Variants in GHRHR observed in about 807,000 individuals in gnomAD.
GHRHR encodes growth hormone releasing hormone receptor, also known as growth hormone-releasing hormone receptor.
A neutral mutation model predicts 58.3 loss-of-function variants in GHRHR; 40 were observed. The observed-to-expected ratio is 0.69, with a 90% CI of 0.53 to 0.89. GHRHR has a LOEUF of 0.89. GHRHR is among the 40% of genes least tolerant of loss of function. The pLI, the probability that GHRHR is intolerant of heterozygous loss-of-function variation, is 0.00. For synonymous variants in GHRHR, 249 were observed against 216.6 expected (o/e 1.15, Z -1.31); for missense variants, 551 against 541.3 (o/e 1.02, Z -0.18).
At chr7:30,976,598 T>A in intron 11 of GHRHR, 40 bp downstream of exon 11, 1 of 1,599,048 alleles carries the variant, frequency 6.3e-7, no homozygotes, top group Non-Finnish European at 8.6e-7. Context: ...CCATTGAGGG[T>A]GCTGGAGGGA....
Position 30,969,088 on chromosome 7 carries a change from G to T in GHRHR, c.186G>T (p.Leu62=). The change falls in exon 3 of 13, where the codon CTG becomes CTT. Residue 62 remains leucine (L), a synonymous_variant. Coordinates refer to ENST00000326139, the MANE Select transcript of GHRHR (RefSeq NM_000823.4). ...TLGCPATWDG[L]LCWPTAGSGE... ...GCTGCCCTGCGACCTGGGATGGGCT[G>T]CTGTGCTGGCCAACGGCAGGCTCTG... The T allele has an allele frequency of 6.3e-7, 1 of 1,581,344 alleles. No individual in the cohort carries two copies. Among genetic ancestry groups the T allele is most frequent in the South Asian group, 1.2e-5 (1 of 86,490 alleles).
At chr7:30,975,540 GC>G (rs1366375300) in intron 9 of GHRHR, among the ~76,000 whole-genome samples, 4 of 152,042 alleles carry the variant, frequency 2.6e-5, no homozygotes, top group African/African-American at 9.7e-5. Flanking sequence ...AGGCCTGATC[GC>G]CCCCCTTGAT....
rs867201737 is a variant in GHRHR at position 30,974,367 on chromosome 7, C to A, written c.752-62C>A. 2.3e-6 allele frequency: 3 copies of A among 1,276,938 alleles called. No individual in the cohort carries two copies. In the East Asian group the frequency reaches 6.9e-5, roughly 30 times the overall value. The allele number at this position is 1,276,938 out of a possible 1,614,324, so 79.1% of individuals were successfully genotyped here. On this transcript the variant is annotated intron_variant, in intron 7 of 12. Coordinates refer to ENST00000326139, the MANE Select transcript of GHRHR (RefSeq NM_000823.4). ...GGCTGATGGTGGTGGTGGGAGGTGGCGCCAGATCTCAGAGTCAAGGATGCA... is the reference window on the plus strand; with the variant it reads ...GGCTGATGGTGGTGGTGGGAGGTGGAGCCAGATCTCAGAGTCAAGGATGCA...
chr7:30,973,969 A>C lies in GHRHR; in HGVS notation c.598-16A>C. On this transcript the variant is annotated splice_polypyrimidine_tract_variant and intron_variant, in intron 6 of 12. Transcript: ENST00000326139. ...TGGGTGTCCCAGCTCTGAAGCACCC[A>C]GGTCCTGGCCCCCAGGTTCTATGCA... is the stretch of plus-strand genomic sequence containing the variant. 6.2e-7 allele frequency: 1 copy of C among 1,612,514 alleles called. No homozygotes were observed. Among genetic ancestry groups the C allele is most frequent in the Non-Finnish European group, 8.5e-7 (1 of 1,179,724 alleles).
At chr7:30,972,594 G>A (rs909519820) in intron 6 of GHRHR, among the ~76,000 whole-genome samples, 1 of 152,116 alleles carries the variant, frequency 6.6e-6, no homozygotes, top group African/African-American at 2.4e-5. Flanking sequence ...GCAACAATAG[G>A]GAGATGGGGA....
intron 1 of GHRHR, among the ~76,000 whole-genome samples, chr7:30,965,156 G>T (rs1395203807): frequency 1.3e-5 from 2 of 152,184 alleles, no homozygotes; most frequent in Non-Finnish European, 2.9e-5. Context: ...GCATAGGGGT[G>T]CAACACAGGA....
At chr7:30,973,221 T>G (rs879312848) in intron 6 of GHRHR, among the ~76,000 whole-genome samples, 2 of 152,198 alleles carry the variant, frequency 1.3e-5, no homozygotes, top group African/African-American at 2.4e-5. Context: ...ATCGTCTTTA[T>G]GTTGAGTAGC....
intron 1 of GHRHR, among the ~76,000 whole-genome samples, chr7:30,968,086 T>C (rs1644162116): frequency 1.3e-5 from 2 of 152,318 alleles, no homozygotes; most frequent in Admixed American, 6.5e-5. Context: ...TCTTGCCTAC[T>C]GCCCATCCTA....
chr7:30,967,328 T>A (rs896804631), intron 1 of GHRHR, among the ~76,000 whole-genome samples: 4 of 152,190 alleles, frequency 2.6e-5, no homozygotes, highest in Non-Finnish European at 5.9e-5. Context: ...TCCATCCCAA[T>A]GGATCTCTAG....
At chr7:30,978,955 T>A (rs913790536) in intron 12 of GHRHR, among the ~76,000 whole-genome samples, 164 bp from the exon 13 acceptor site, 1 of 152,196 alleles carries the variant, frequency 6.6e-6, no homozygotes, top group African/African-American at 2.4e-5. Flanking sequence ...AAAAGTAGTA[T>A]CCTCCAGAGG....
In GHRHR at chr7:30,964,108, T is replaced by G; in HGVS notation, c.40T>G (p.Leu14Val). 1 of 1,549,706 alleles carries G rather than the reference T, an allele frequency of 6.5e-7. No individual in the cohort carries two copies. Among genetic ancestry groups the G allele is most frequent in the Non-Finnish European group, 8.7e-7 (1 of 1,146,946 alleles). Reference sequence around the variant, plus strand: ...GTGGGGGGCCCACGTCTTCTGCGTGTTGAGCCCGTTACCGACCGTGAGTAG... The same window carrying G: ...GTGGGGGGCCCACGTCTTCTGCGTGGTGAGCCCGTTACCGACCGTGAGTAG... The part of the protein sequence containing the change: ...RMWGAHVFCV[L>V]SPLPTVLGHM... The change falls in exon 1 of 13, where the codon TTG becomes GTG. Residue 14 changes from leucine to valine, a missense_variant. Transcript: ENST00000326139.
chr7:30,977,418 C>A, intron 12 of GHRHR, 96 bp downstream of exon 12: 1 of 987,814 alleles, frequency 1.0e-6, no homozygotes, highest in Non-Finnish European at 1.6e-6. Context: ...TAAACCCCAG[C>A]TCAGGCCACA....
chr7:30,971,604 C>T (rs1231529079), intron 5 of GHRHR, among the ~76,000 whole-genome samples: 5 of 152,068 alleles, frequency 3.3e-5, no homozygotes, highest in Non-Finnish European at 7.4e-5. Context: ...CCTTCGAAGT[C>T]TGAGCACTGC....
chr7:30,975,741 C>A (rs749976073), intron 9 of GHRHR, 36 bp from the exon 10 acceptor site: 1 of 1,268,684 alleles, frequency 7.9e-7, no homozygotes, highest in South Asian at 1.2e-5. Flanking sequence ...TACCCCCTGA[C>A]CCTTGTCTTC....
At chr7:30,976,322 G>C in intron 10 of GHRHR, 107 bp from the exon 11 acceptor site, 1 of 1,039,178 alleles carries the variant, frequency 9.6e-7, no homozygotes, top group Non-Finnish European at 1.5e-6. Context: ...CAAGGTGGCT[G>C]TTCCACAGAG....
chr7:30,974,312 G>C, intron 7 of GHRHR, 117 bp from the exon 8 acceptor site: 3 of 1,092,536 alleles, frequency 2.7e-6, no homozygotes, highest in Non-Finnish European at 4.2e-6. Flanking sequence ...CTGGGGTCCT[G>C]CCTGGCCCTG....
rs148704543 is a variant in GHRHR at position 30,964,074 on chromosome 7, C to T, written c.6C>T (p.Asp2=). M[D]RRMWGAHVFC... ...GAGCCACTGCTGGGCTCACCATGGA[C>T]CGCCGGATGTGGGGGGCCCACGTCT... is the stretch of plus-strand genomic sequence containing the variant. Residue 2 remains aspartate (D), a synonymous_variant, in exon 1 of 13, where the codon GAC becomes GAT. Coordinates refer to ENST00000326139, the MANE Select transcript of GHRHR (RefSeq NM_000823.4). 313 of 1,550,530 alleles carry T rather than the reference C, an allele frequency of 2.0e-4. 1 individual carries two copies. Among genetic ancestry groups the T allele is most frequent in the Non-Finnish European group, 2.7e-4 (304 of 1,146,942 alleles).
chr7:30,966,249 G>T (rs370016479), intron 1 of GHRHR, among the ~76,000 whole-genome samples: 1 of 152,152 alleles, frequency 6.6e-6, no homozygotes, highest in South Asian at 2.1e-4. Context: ...TCCCCACTCT[G>T]GTGGTCAAAG....
rs761399375 is a variant in GHRHR, at chr7:30,969,121, G to A, written c.219G>A (p.Trp73Ter). 1.9e-6 allele frequency: 3 copies of A among 1,578,788 alleles called. No homozygotes were observed. The highest frequency in any genetic ancestry group is 2.3e-5 in the South Asian group (2 of 86,218). Residue 73 changes from tryptophan to a stop codon, truncating the protein, a stop_gained, in exon 3 of 13, where the codon TGG becomes TGA. Transcript: ENST00000326139. LOFTEE classifies it high-confidence loss of function. ...GGCCAACGGCAGGCTCTGGCGAGTG[G>A]GTCACCCTCCCCTGCCCGGATTTCT... ...LCWPTAGSGE[W>*]VTLPCPDFFS...
Sources: allele counts gnomAD v4.1 joint callset (sites outside exome capture counted in the v4.1 genomes callset), GRCh38; gene constraint gnomAD v4.1.1; transcripts MANE v1.5; gene names NCBI Gene and HGNC (gene_info 2026-07-23, HGNC 2026-07-21).